HTR2C: variants seen among roughly 807,000 people sequenced by gnomAD.
HTR2C encodes 5-hydroxytryptamine (serotonin) receptor 2C, G protein-coupled.
Under a neutral mutation model 21.0 loss-of-function variants are expected in HTR2C, and 5 were observed. The ratio of observed to expected loss-of-function variants is 0.24; its 90% CI spans 0.12 to 0.50. The LOEUF (loss-of-function observed/expected upper bound fraction) is 0.50, where lower values mean the gene tolerates loss of function less well. HTR2C is among the 20% of genes least tolerant of loss of function. The probability of loss-of-function intolerance (pLI) is 0.98; values close to 1 mark genes in which losing one functional copy is unlikely to be tolerated. For missense variants in HTR2C, 271 were observed against 371.2 expected, an observed-to-expected ratio of 0.73 and a Z score of 2.22; for synonymous variants, 150 against 145.3, an observed-to-expected ratio of 1.03 and a Z score of -0.23.
rs370806979 is a variant in HTR2C at position 114,607,849 on chromosome X, A to G, written c.-146-5966A>G. ...TCTACTAAAAATAAATTAGCTGGGC[A>G]TGGTGGTGCGTGCCTGTAATCCCAG... On this transcript the variant is annotated intron_variant, in intron 1 of 5. Transcript: ENST00000276198. Among the ~76,000 whole-genome samples the G allele has an allele frequency of 6.5e-4, 72 of 110,544 alleles. 4 individuals are homozygous for G. In the East Asian group the frequency reaches 8.9e-3, roughly 14 times the overall value.
chrX:114,807,460 CATAT>C (rs34682910), intron 4 of HTR2C, among the ~76,000 whole-genome samples: 1 of 69,511 alleles, frequency 1.4e-5, no homozygotes, highest in African/African-American at 5.8e-5. Flanking sequence ...ATATATACGC[CATAT>C]ATATATACCA....
chrX:114,620,423 G>A (rs1482403968), intron 2 of HTR2C, among the ~76,000 whole-genome samples: 2 of 111,533 alleles, frequency 1.8e-5, no homozygotes, highest in African/African-American at 6.5e-5. Context: ...ATGAGTTATA[G>A]CATAATTTAT....
At chrX:114,696,671 A>C (rs782079085) in intron 2 of HTR2C, among the ~76,000 whole-genome samples, 3 of 109,392 alleles carry the variant, frequency 2.7e-5, no homozygotes, top group Non-Finnish European at 5.7e-5. Context: ...TTTTATTTTC[A>C]TTGTTTGCTG....
intron 5 of HTR2C, among the ~76,000 whole-genome samples, chrX:114,878,675 T>C (rs1376190684): frequency 9.0e-6 from 1 of 111,236 alleles, no homozygotes; most frequent in Non-Finnish European, 1.9e-5. Context: ...ACTTTTTGTC[T>C]GCAACACACT....
intron 2 of HTR2C, among the ~76,000 whole-genome samples, chrX:114,664,219 A>C (rs189918915): frequency 9.0e-6 from 1 of 111,721 alleles, no homozygotes; most frequent in Non-Finnish European, 1.9e-5. Flanking sequence ...TTTTTCTTCA[A>C]CTTTTATTTT....
chrX:114,736,110 T>C (rs2069588324), intron 4 of HTR2C, among the ~76,000 whole-genome samples: 1 of 108,182 alleles, frequency 9.2e-6, no homozygotes, highest in Non-Finnish European at 1.9e-5. Context: ...GAGACTCTAT[T>C]TCAAAAAAAA....
At chrX:114,612,362 T>G (rs1420078918) in intron 1 of HTR2C, among the ~76,000 whole-genome samples, 4 of 111,885 alleles carry the variant, frequency 3.6e-5, no homozygotes, top group Non-Finnish European at 7.5e-5. Flanking sequence ...CATTTAAAAC[T>G]TTTTTTGATC....
chrX:114,706,916 A>G (rs1430397596), intron 2 of HTR2C, among the ~76,000 whole-genome samples: 3 of 111,169 alleles, frequency 2.7e-5, no homozygotes, highest in Non-Finnish European at 3.8e-5. Context: ...ACATAATTTT[A>G]TAAAGTGAAA....
chrX:114,672,025 A>G (rs1201612520), intron 2 of HTR2C, among the ~76,000 whole-genome samples: 1 of 111,531 alleles, frequency 9.0e-6, no homozygotes, highest in Non-Finnish European at 1.9e-5. Context: ...GGTCACTACT[A>G]TTTATATTAA....
At chrX:114,735,087 T>C (rs1940884166) in intron 4 of HTR2C, among the ~76,000 whole-genome samples, 1 of 110,871 alleles carries the variant, frequency 9.0e-6, no homozygotes, top group African/African-American at 3.3e-5. Context: ...GGCGGATCAC[T>C]TGTGGTCAAG....
chrX:114,747,379 A>T (rs1301435410), intron 4 of HTR2C, among the ~76,000 whole-genome samples: 2 of 112,200 alleles, frequency 1.8e-5, no homozygotes, highest in African/African-American at 3.2e-5. Flanking sequence ...TGCAGGTCCT[A>T]GCCAGTGTAG....
intron 5 of HTR2C, among the ~76,000 whole-genome samples, chrX:114,855,291 A>G (rs1372161618): frequency 1.8e-5 from 2 of 111,529 alleles, no homozygotes; most frequent in Non-Finnish European, 3.8e-5. Context: ...AGTACTTCAC[A>G]TGGATATTTT....
intron 2 of HTR2C, among the ~76,000 whole-genome samples, chrX:114,674,793 A>G (rs1931495874): frequency 8.9e-6 from 1 of 111,768 alleles, no homozygotes; most frequent in Non-Finnish European, 1.9e-5. Context: ...CCTAAGATGT[A>G]TTAAAAGCAG....
intron 2 of HTR2C, among the ~76,000 whole-genome samples, chrX:114,696,011 G>A (rs1374123667): frequency 9.0e-6 from 1 of 111,680 alleles, no homozygotes; most frequent in Non-Finnish European, 1.9e-5. Flanking sequence ...ATCACACTAG[G>A]AAACAAATGA....
At chrX:114,805,654 TATATACC>T (rs1482358104) in intron 4 of HTR2C, among the ~76,000 whole-genome samples, 13 of 16,891 alleles carry the variant, frequency 7.7e-4, no homozygotes, top group Non-Finnish European at 1.5e-3. Context: ...ATACACCATA[TATATACC>T]ATATATATAC....
chrX:114,639,219 G>A (rs1221686911), intron 2 of HTR2C, among the ~76,000 whole-genome samples: 1 of 112,077 alleles, frequency 8.9e-6, no homozygotes, highest in Non-Finnish European at 1.9e-5. Flanking sequence ...ACAAAACAAT[G>A]TGAAATAAAT....
chrX:114,694,535 C>A (rs782548836), intron 2 of HTR2C, among the ~76,000 whole-genome samples: 37 of 63,317 alleles, frequency 5.8e-4, no homozygotes, highest in African/African-American at 2.0e-3. Context: ...TTTGCCCGGG[C>A]TGGAGTGCAG....
chrX:114,820,986 C>A (rs2070627585), intron 4 of HTR2C, among the ~76,000 whole-genome samples: 1 of 111,651 alleles, frequency 9.0e-6, no homozygotes, highest in Non-Finnish European at 1.9e-5. Context: ...GCAGAGTGAA[C>A]TGTTTGAATA....
In HTR2C at chrX:114,683,377, T is replaced by G. The variant is rs782161953; in HGVS notation, c.-79-43481T>G. On this transcript the variant is annotated intron_variant, in intron 2 of 5. Transcript: ENST00000276198. Reference sequence around the variant, plus strand: ...ATGCCATATTGAGACTTTTAAATCTTTTTTTTTTTCCTTGCATTCTCTATC... The same window carrying G: ...ATGCCATATTGAGACTTTTAAATCTGTTTTTTTTTCCTTGCATTCTCTATC... 3.1e-3 allele frequency among the ~76,000 whole-genome samples: 63 copies of G among 20,586 alleles called. 1 individual carries two copies. Among genetic ancestry groups the G allele is most frequent in the Non-Finnish European group, 5.7e-3 (51 of 9,013 alleles). 17.9% of individuals were successfully genotyped at this position (20,586 alleles called of 115,157 possible).
Sources: gnomAD v4.1 joint callset for allele counts (sites outside exome capture counted in the v4.1 genomes callset) on GRCh38, gnomAD v4.1.1 for gene constraint, MANE v1.5 for transcripts, NCBI Gene and HGNC (gene_info 2026-07-23, HGNC 2026-07-21) for gene names.